Variants in SRD5A2 observed in about 807,000 individuals in gnomAD.
The protein encoded by SRD5A2 is steroid 5 alpha-reductase 2.
SRD5A2 carries 30 observed loss-of-function variants against 27.4 expected under a neutral mutation model. The observed-to-expected ratio is 1.10, with a 90% CI of 0.82 to 1.49. SRD5A2 has a LOEUF of 1.49. Ranked by LOEUF, SRD5A2 falls within the 40% of genes most tolerant of loss-of-function variation. The probability of loss-of-function intolerance (pLI) is 0.00; values close to 1 mark genes in which losing one functional copy is unlikely to be tolerated. For missense variants in SRD5A2, 348 were observed against 323.4 expected, an observed-to-expected ratio of 1.08 and a Z score of -0.58; for synonymous variants, 141 against 133.6, an observed-to-expected ratio of 1.06 and a Z score of -0.38.
chr2:31,569,400 C>A (rs1286013337), intron 1 of SRD5A2, among the ~76,000 whole-genome samples: 1 of 152,204 alleles, frequency 6.6e-6, no homozygotes, highest in Non-Finnish European at 1.5e-5. Flanking sequence ...CACATCCTCA[C>A]AAACACTTGG....
At chr2:31,624,826 A>T in the SRD5A2 span, among the ~76,000 whole-genome samples, 1 of 152,094 alleles carries the variant, frequency 6.6e-6, no homozygotes. Context: ...ATGCATGTGC[A>T]TGTGTGTCTT....
intron 1 of SRD5A2, among the ~76,000 whole-genome samples, chr2:31,551,308 C>T (rs928992529): frequency 3.3e-5 from 5 of 151,992 alleles, no homozygotes; most frequent in Admixed American, 6.6e-5. Context: ...TATTACATCC[C>T]AGAAATTTTT....
intron 1 of SRD5A2, among the ~76,000 whole-genome samples, chr2:31,547,223 G>T (rs1285897288): frequency 6.6e-6 from 1 of 152,202 alleles, no homozygotes; most frequent in Non-Finnish European, 1.5e-5. Flanking sequence ...TTTGACAAGG[G>T]TGCTATGATG....
chr2:31,626,000 A>T, the SRD5A2 span, among the ~76,000 whole-genome samples: 4 of 152,124 alleles, frequency 2.6e-5, no homozygotes, highest in African/African-American at 7.2e-5. Flanking sequence ...TGAGCATGGA[A>T]TGTTCTTCCA....
the SRD5A2 span, among the ~76,000 whole-genome samples, chr2:31,616,173 T>C: frequency 6.6e-6 from 1 of 152,008 alleles, no homozygotes. Flanking sequence ...AATGCCTGGA[T>C]GTCCAGGCAG....
At chr2:31,613,487 G>A in the SRD5A2 span, among the ~76,000 whole-genome samples, 1 of 152,114 alleles carries the variant, frequency 6.6e-6, no homozygotes, top group Non-Finnish European at 1.5e-5. Flanking sequence ...CTTTTAGAAT[G>A]GTTATTACTC....
the SRD5A2 span, among the ~76,000 whole-genome samples, chr2:31,649,250 G>A: frequency 6.6e-6 from 1 of 152,114 alleles, no homozygotes; most frequent in East Asian, 1.9e-4. Context: ...TTCTTTAGCT[G>A]CACTTCATGA....
intron 1 of SRD5A2, among the ~76,000 whole-genome samples, chr2:31,561,407 G>A (rs1185250217): frequency 1.3e-5 from 2 of 152,174 alleles, no homozygotes; most frequent in African/African-American, 4.8e-5. Context: ...CATGCTGGAA[G>A]ACAGGGCAGC....
chr2:31,529,697 C>T (rs1320120107), intron 3 of SRD5A2, among the ~76,000 whole-genome samples: 3 of 152,154 alleles, frequency 2.0e-5, no homozygotes, highest in African/African-American at 7.2e-5. Flanking sequence ...GCTTAACGGG[C>T]TCTATCCAAA....
At chr2:31,552,249 AAAAC>A (rs1666395296) in intron 1 of SRD5A2, among the ~76,000 whole-genome samples, 1 of 150,198 alleles carries the variant, frequency 6.7e-6, no homozygotes, top group African/African-American at 2.5e-5. Context: ...CAGCCACATT[AAAAC>A]AAATAAGAAG....
At chr2:31,651,403 T>C in the SRD5A2 span, 5 of 230,922 alleles carry the variant, frequency 2.2e-5, no homozygotes, top group Non-Finnish European at 4.0e-5. Flanking sequence ...GCAATCTGGA[T>C]GCTGACATGT....
chr2:31,529,725 A>T (rs1177332812), intron 3 of SRD5A2, among the ~76,000 whole-genome samples: 3 of 152,116 alleles, frequency 2.0e-5, no homozygotes, highest in Non-Finnish European at 4.4e-5. Context: ...CAACTGCTGG[A>T]CCACTAGCTT....
At chr2:31,662,011 T>C in the SRD5A2 span, among the ~76,000 whole-genome samples, 10 of 152,180 alleles carry the variant, frequency 6.6e-5, no homozygotes, top group African/African-American at 2.4e-4. Flanking sequence ...AGAATGTTTT[T>C]TACAGTGCCT....
intron 3 of SRD5A2, among the ~76,000 whole-genome samples, chr2:31,530,586 T>C (rs1158212705): frequency 6.6e-6 from 1 of 152,232 alleles, no homozygotes; most frequent in African/African-American, 2.4e-5. Flanking sequence ...CATAGTAACT[T>C]TGTCATTAAT....
the SRD5A2 span, among the ~76,000 whole-genome samples, chr2:31,616,673 C>T: frequency 1.3e-5 from 2 of 152,166 alleles, no homozygotes; most frequent in African/African-American, 2.4e-5. Flanking sequence ...TAACTAATTT[C>T]CTTTTGATTT....
At chr2:31,589,578 C>T in the SRD5A2 span, among the ~76,000 whole-genome samples, 2,705 of 152,252 alleles carry the variant, frequency 0.018, 53 homozygotes, top group African/African-American at 0.037. Flanking sequence ...GGCCTTGTGC[C>T]GAGGCCTGGG....
chr2:31,654,535 T>A, the SRD5A2 span, among the ~76,000 whole-genome samples: 3 of 152,200 alleles, frequency 2.0e-5, no homozygotes, highest in East Asian at 5.8e-4. Context: ...TTGAGTAACA[T>A]GTAATGCAGC....
the SRD5A2 span, among the ~76,000 whole-genome samples, chr2:31,629,330 G>A: frequency 6.6e-5 from 10 of 152,226 alleles, no homozygotes; most frequent in South Asian, 2.1e-4. Flanking sequence ...TCTTGGAAGC[G>A]GCCCACCACC....
At chr2:31,549,005 A>G (rs1666322656) in intron 1 of SRD5A2, among the ~76,000 whole-genome samples, 1 of 151,718 alleles carries the variant, frequency 6.6e-6, no homozygotes, top group Admixed American at 6.6e-5. Flanking sequence ...ATTCACTTAT[A>G]TGAGGTAGTT....
Sources: allele counts gnomAD v4.1 joint callset (sites outside exome capture counted in the v4.1 genomes callset), GRCh38; gene constraint gnomAD v4.1.1; transcripts MANE v1.5; gene names NCBI Gene and HGNC (gene_info 2026-07-23, HGNC 2026-07-21).